Variants in CRB1 observed in about 807,000 individuals in gnomAD.
CRB1 encodes protein crumbs homolog 1.
A neutral mutation model predicts 120.0 loss-of-function variants in CRB1; 83 were observed. The ratio of observed to expected loss-of-function variants is 0.69; its 90% CI spans 0.58 to 0.83. The LOEUF (loss-of-function observed/expected upper bound fraction) is 0.83, where lower values mean the gene tolerates loss of function less well. Ranked by LOEUF, CRB1 falls within the 40% of genes least tolerant of loss-of-function variation. CRB1 has a pLI of 0.00. For synonymous variants in CRB1, 625 were observed against 612.5 expected (o/e 1.02, Z -0.30); for missense variants, 1,699 against 1,687.6 (o/e 1.01, Z -0.12).
chr1:197,411,938 A>C (rs1202806735), intron 5 of CRB1, among the ~76,000 whole-genome samples: 3 of 152,166 alleles, frequency 2.0e-5, no homozygotes, highest in Non-Finnish European at 4.4e-5. Context: ...CTCTAAAGGT[A>C]CATCTCTTTG....
chr1:197,268,466 G>A lies in CRB1; in HGVS notation c.54G>A (p.Leu18=), dbSNP rs769695428. 1.3e-5 allele frequency: 21 copies of A among 1,611,902 alleles called. No individual in the cohort carries two copies. Among genetic ancestry groups the A allele is most frequent in the Non-Finnish European group, 1.8e-5 (21 of 1,178,226 alleles). ...YLLIFYLSFS[L]LIYIKNSFCN... is the part of the protein sequence containing the mutation. The stretch of plus-strand genomic sequence containing the variant: ...TCATCTTCTACCTCAGTTTCTCACT[G>A]CTTATCTACATAAAAAGTAAGCCTT... Residue 18 remains leucine (L), a synonymous_variant, in exon 1 of 12, where the codon CTG becomes CTA. Coordinates refer to ENST00000367400, the MANE Select transcript of CRB1 (RefSeq NM_201253.3).
intron 5 of CRB1, among the ~76,000 whole-genome samples, chr1:197,387,927 C>T (rs1477225814): frequency 6.6e-6 from 1 of 151,810 alleles, no homozygotes; most frequent in East Asian, 1.9e-4. Flanking sequence ...TCCCCAACCT[C>T]CCCTCACCAA....
At chr1:197,317,638 T>C (rs183126747) in intron 1 of CRB1, among the ~76,000 whole-genome samples, 2 of 152,168 alleles carry the variant, frequency 1.3e-5, no homozygotes, top group East Asian at 3.9e-4. Context: ...GTAAATGGAA[T>C]AAAAATAGAC....
chr1:197,452,158 G>C (rs908340894), intron 11 of CRB1, among the ~76,000 whole-genome samples: 4 of 152,130 alleles, frequency 2.6e-5, no homozygotes, highest in African/African-American at 9.7e-5. Flanking sequence ...GACTCTACAA[G>C]TATCCCGGTC....
the CRB1 span, among the ~76,000 whole-genome samples, chr1:197,220,471 T>C: frequency 7.5e-4 from 114 of 152,212 alleles, 2 homozygotes; most frequent in East Asian, 0.022. Context: ...ACTTCTGAGA[T>C]GAGACAAGAT....
At chr1:197,259,559 G>A in the CRB1 span, among the ~76,000 whole-genome samples, 1 of 152,114 alleles carries the variant, frequency 6.6e-6, no homozygotes, top group Non-Finnish European at 1.5e-5. Flanking sequence ...GAGAACATCA[G>A]GACAAATAGC....
chr1:197,275,780 C>T (rs1311668872), intron 1 of CRB1, among the ~76,000 whole-genome samples: 1 of 151,936 alleles, frequency 6.6e-6, no homozygotes, highest in Non-Finnish European at 1.5e-5. Context: ...AAACTGCATT[C>T]ATTACTTGGG....
intron 5 of CRB1, among the ~76,000 whole-genome samples, chr1:197,376,525 G>A (rs1661655726): frequency 1.3e-5 from 2 of 152,100 alleles, no homozygotes; most frequent in South Asian, 2.1e-4. Flanking sequence ...ATTCAAAGCC[G>A]TATTTGGTTT....
rs200084880 is a variant in CRB1, at chr1:197,394,073, CT to C, written c.1172-26926del. On this transcript the variant is annotated intron_variant, in intron 5 of 11. Transcript: ENST00000367400. ...ATGGGTTTGAACTGCATGGGTCCAA[CT>C]ATATGCAGATTTTCTTCTGCCTGTG... 6.6e-3 allele frequency among the ~76,000 whole-genome samples: 1,004 copies of C among 152,126 alleles called. 18 individuals carry two copies. The highest frequency in any genetic ancestry group is 0.023 in the African/African-American group (968 of 41,510).
intron 1 of CRB1, among the ~76,000 whole-genome samples, chr1:197,319,792 G>T (rs1658081290): frequency 6.6e-6 from 1 of 152,034 alleles, no homozygotes; most frequent in African/African-American, 2.4e-5. Context: ...TGAAAAACTG[G>T]CTTCTTGTTT....
chr1:197,431,974 G>A (rs1302368335), intron 8 of CRB1, among the ~76,000 whole-genome samples: 2 of 151,992 alleles, frequency 1.3e-5, no homozygotes, highest in Non-Finnish European at 2.9e-5. Context: ...TAAGTCTAAT[G>A]GAACAAGATA....
chr1:197,280,563 C>T (rs1655461878), intron 1 of CRB1, among the ~76,000 whole-genome samples: 1 of 151,850 alleles, frequency 6.6e-6, no homozygotes, highest in Non-Finnish European at 1.5e-5. Context: ...ATCCAGATAT[C>T]ATACCAAACA....
At chr1:197,355,047 A>T (rs1340687472) in intron 4 of CRB1, among the ~76,000 whole-genome samples, 2 of 151,904 alleles carry the variant, frequency 1.3e-5, no homozygotes. Context: ...CCACTAGATT[A>T]GCTAGATACA....
At position 197,435,389 on chromosome 1, in the gene CRB1, C is replaced by T. The variant is rs775745371; in HGVS notation, c.3526C>T (p.Leu1176Phe). The T allele has an allele frequency of 6.2e-6, 10 of 1,608,740 alleles. No individual in the cohort carries two copies. The part of the protein sequence containing the change: ...PLGWSGKHCE[L>F]NIDECFSNPC... ...GGGATGGTCAGGGAAACACTGTGAA[C>T]TCAACATCGATGAATGCTTTTCAAA... The change falls in exon 9 of 12, where the codon CTC becomes TTC. Residue 1176 changes from leucine to phenylalanine, a missense_variant. Transcript: ENST00000367400.
At chr1:197,222,910 T>C in the CRB1 span, 2 of 1,123,012 alleles carry the variant, frequency 1.8e-6, no homozygotes, top group Middle Eastern at 2.0e-4. Flanking sequence ...GAACAATTCA[T>C]AGTTGCTTCT....
intron 4 of CRB1, among the ~76,000 whole-genome samples, chr1:197,350,532 C>A (rs1374201258): frequency 6.6e-6 from 1 of 152,160 alleles, no homozygotes; most frequent in Non-Finnish European, 1.5e-5. Flanking sequence ...TGGATTCAAG[C>A]ATTTAAGCCA....
chr1:197,280,965 A>G (rs972963835), intron 1 of CRB1, among the ~76,000 whole-genome samples: 3 of 151,936 alleles, frequency 2.0e-5, no homozygotes, highest in African/African-American at 7.2e-5. Context: ...GGGGGCGGTC[A>G]TTAAATGATG....
the CRB1 span, among the ~76,000 whole-genome samples, chr1:197,213,217 C>G: frequency 6.6e-6 from 1 of 152,166 alleles, no homozygotes; most frequent in Non-Finnish European, 1.5e-5. Flanking sequence ...GTGATTCAAA[C>G]CAACTCTCCT....
At chr1:197,443,791 T>C (rs888770467) in intron 11 of CRB1, 2 of 151,696 alleles carry the variant, frequency 1.3e-5, no homozygotes, top group South Asian at 2.1e-4. Flanking sequence ...TTTCAGAGAT[T>C]ATAAAATAAT....
Sources: gnomAD v4.1 joint callset for allele counts (sites outside exome capture counted in the v4.1 genomes callset) on GRCh38, gnomAD v4.1.1 for gene constraint, MANE v1.5 for transcripts, NCBI Gene and HGNC (gene_info 2026-07-23, HGNC 2026-07-21) for gene names.